KLHL3: variants seen among roughly 807,000 people sequenced by gnomAD.
The protein encoded by KLHL3 is kelch like family member 3, also known as kelch-like protein 3.
KLHL3 carries 19 observed loss-of-function variants against 70.5 expected under a neutral mutation model. The observed-to-expected ratio is 0.27, with a 90% CI of 0.19 to 0.40. The LOEUF (loss-of-function observed/expected upper bound fraction) is 0.40. Among genes scored for constraint, KLHL3 ranks in the 10% least tolerant of loss-of-function variants. KLHL3 has a pLI of 1.00. For missense variants in KLHL3, 512 were observed against 771.1 expected (o/e 0.66, Z 3.98); for synonymous variants, 258 against 290.3 (o/e 0.89, Z 1.13).
At chr5:137,647,439 G>A in intron 8 of KLHL3, 1 of 363,164 alleles carries the variant, frequency 2.8e-6, no homozygotes, top group Non-Finnish European at 5.7e-6. Flanking sequence ...CCTGGCCTCA[G>A]GACTACATAG....
intron 13 of KLHL3, among the ~76,000 whole-genome samples, chr5:137,627,704 C>T (rs1750511783): frequency 6.6e-6 from 1 of 152,106 alleles, no homozygotes; most frequent in African/African-American, 2.4e-5. Context: ...TAAAAGGGGC[C>T]TCATGCTCCA....
intron 12 of KLHL3, among the ~76,000 whole-genome samples, chr5:137,631,502 G>T (rs1232278054): frequency 1.3e-5 from 2 of 152,206 alleles, no homozygotes; most frequent in South Asian, 4.1e-4. Flanking sequence ...TTCAATTCCA[G>T]ACAGGCAAGC....
chr5:137,690,186 G>A (rs1372767827), intron 5 of KLHL3, among the ~76,000 whole-genome samples: 2 of 152,156 alleles, frequency 1.3e-5, no homozygotes, highest in Non-Finnish European at 2.9e-5. Context: ...AATTAGCCTG[G>A]CGTGGTGGCA....
intron 3 of KLHL3, among the ~76,000 whole-genome samples, chr5:137,698,835 C>T (rs1183663045): frequency 6.6e-6 from 1 of 152,218 alleles, no homozygotes; most frequent in African/African-American, 2.4e-5. Flanking sequence ...CAGTTATACA[C>T]AAAGTATTGT....
intron 2 of KLHL3, 85 bp from the exon 3 acceptor site, chr5:137,709,941 A>G (rs1300983060): frequency 2.0e-6 from 2 of 1,011,046 alleles, no homozygotes; most frequent in East Asian, 2.4e-5. Flanking sequence ...TCTCCCACCC[A>G]GATTTCACAC....
intron 7 of KLHL3, chr5:137,660,995 T>A (rs1210742607): frequency 3.3e-5 from 5 of 152,382 alleles, no homozygotes; most frequent in South Asian, 2.1e-4. Flanking sequence ...TTCCAGAGAC[T>A]CCTTGGAGAC....
At chr5:137,654,605 G>A (rs919115768) in intron 8 of KLHL3, among the ~76,000 whole-genome samples, 54 of 152,190 alleles carry the variant, frequency 3.5e-4, no homozygotes, top group African/African-American at 4.8e-5. Context: ...GGTGATGAGA[G>A]TATAGTTTAA....
At chr5:137,661,571 G>A (rs147518787) in intron 7 of KLHL3, 4 of 186,308 alleles carry the variant, frequency 2.1e-5, no homozygotes, top group Admixed American at 1.8e-4. Flanking sequence ...GGCTCCACAC[G>A]AAGCAGCTGA....
intron 12 of KLHL3, among the ~76,000 whole-genome samples, chr5:137,633,643 G>A (rs1417280713): frequency 2.6e-5 from 4 of 152,166 alleles, no homozygotes; most frequent in Non-Finnish European, 5.9e-5. Flanking sequence ...AAAAAAGAGT[G>A]AAATCATGTC....
intron 6 of KLHL3, 40 bp from the exon 7 acceptor site, chr5:137,662,071 C>G: frequency 1.6e-6 from 1 of 618,512 alleles, no homozygotes; most frequent in Middle Eastern, 3.2e-4. Flanking sequence ...AGTAAAGAGA[C>G]AAAAGCTTTC....
intron 2 of KLHL3, among the ~76,000 whole-genome samples, chr5:137,716,732 A>G (rs1312924288): frequency 6.6e-6 from 1 of 152,206 alleles, no homozygotes. Context: ...GCAATCTCAA[A>G]AAAGACTAGC....
At position 137,618,761 on chromosome 5, in the gene KLHL3, A is replaced by G. The variant is rs75171941; in HGVS notation, c.*3337T>C. 1 of 97,580 alleles carries G rather than the reference A, an allele frequency of 1.0e-5. No individual in the cohort carries two copies. The highest frequency in any genetic ancestry group is 1.1e-4 in the Admixed American group (1 of 9,438). The allele number at this position is 97,580 out of a possible 1,614,324, so 6.0% of individuals were successfully genotyped here. A position where few individuals can be genotyped will look rare whatever the true frequency, so the allele number is the denominator to read the frequency against. On this transcript the variant is annotated 3_prime_UTR_variant, in exon 15 of 15. Transcript: ENST00000309755. ...TCACCCCCACAGAAAGCAGACTCCAAAAAAAAAAAAAAAGACACAATCAAT... is the reference window on the plus strand; with the variant it reads ...TCACCCCCACAGAAAGCAGACTCCAGAAAAAAAAAAAAAGACACAATCAAT...
At position 137,639,711 on chromosome 5, in the gene KLHL3, CAAA is replaced by C. The variant is rs796957196; in HGVS notation, c.1021+146_1021+148del. The C allele has an allele frequency of 8.4e-4, 423 of 503,174 alleles. No homozygotes were observed. The highest frequency in any genetic ancestry group is 1.3e-3 in the East Asian group (39 of 30,214). 31.2% of individuals were successfully genotyped at this position (503,174 alleles called of 1,614,324 possible). ...TCTGTCTTAAAACAACGACAACAAC[CAAA>C]AAAAAAAAAAAAGTGTGCAGGAGGG... is the stretch of plus-strand genomic sequence containing the variant. On this transcript the variant is annotated intron_variant, in intron 9 of 14. Transcript: ENST00000309755. This position sits in a 1 kb window ranked among gnomAD's most constrained non-coding sequence, Gnocchi z 5.0.
intron 12 of KLHL3, among the ~76,000 whole-genome samples, chr5:137,632,283 C>T (rs375945878): frequency 2.6e-5 from 4 of 152,114 alleles, no homozygotes; most frequent in Non-Finnish European, 4.4e-5. Context: ...GTAACTAAAA[C>T]AGCATGGTGC....
chr5:137,731,392 G>A (rs889371885), intron 1 of KLHL3, among the ~76,000 whole-genome samples: 96 of 152,232 alleles, frequency 6.3e-4, no homozygotes, highest in African/African-American at 2.2e-3. Context: ...ACTTGCCGCT[G>A]GGAACAGAAA....
chr5:137,714,781 G>A (rs1752862770), intron 2 of KLHL3, among the ~76,000 whole-genome samples: 1 of 152,142 alleles, frequency 6.6e-6, no homozygotes, highest in Non-Finnish European at 1.5e-5. Flanking sequence ...AAATTGTATG[G>A]CATCTGAATT....
intron 2 of KLHL3, among the ~76,000 whole-genome samples, chr5:137,717,314 A>G (rs992516235): frequency 1.3e-5 from 2 of 152,248 alleles, no homozygotes; most frequent in Non-Finnish European, 2.9e-5. Flanking sequence ...AGTTCTATAC[A>G]TTGAGCTACT....
chr5:137,667,125 A>G (rs1179527739), intron 6 of KLHL3, among the ~76,000 whole-genome samples: 1 of 152,200 alleles, frequency 6.6e-6, no homozygotes, highest in African/African-American at 2.4e-5. Context: ...AAATAAAATT[A>G]TGTTGGAAGG....
chr5:137,630,295 T>C (rs1750601774), intron 12 of KLHL3, among the ~76,000 whole-genome samples: 1 of 152,096 alleles, frequency 6.6e-6, no homozygotes, highest in African/African-American at 2.4e-5. Flanking sequence ...AATAGAGGTG[T>C]CACCCTCCAG....
Sources: allele counts gnomAD v4.1 joint callset (sites outside exome capture counted in the v4.1 genomes callset), GRCh38; gene constraint gnomAD v4.1.1; non-coding constraint Gnocchi (gnomAD v3.1); transcripts MANE v1.5; gene names NCBI Gene and HGNC (gene_info 2026-07-23, HGNC 2026-07-21).